KCTD1: variants seen among roughly 807,000 people sequenced by gnomAD.
The protein encoded by KCTD1 is BTB/POZ domain-containing protein KCTD1.
KCTD1 carries 24 observed loss-of-function variants against 66.0 expected under a neutral mutation model. The observed-to-expected ratio is 0.36, with a 90% CI of 0.26 to 0.51. The LOEUF (loss-of-function observed/expected upper bound fraction) is 0.51, where lower values mean the gene tolerates loss of function less well. Ranked by LOEUF, KCTD1 falls within the 20% of genes least tolerant of loss-of-function variation. KCTD1 has a pLI of 0.95. For missense variants in KCTD1, 943 were observed against 1,205.2 expected (o/e 0.78, Z 3.22); for synonymous variants, 511 against 517.2 (o/e 0.99, Z 0.16).
intron 1 of KCTD1, among the ~76,000 whole-genome samples, chr18:26,596,371 G>A (rs1986766413): frequency 6.6e-6 from 1 of 152,334 alleles, no homozygotes. Flanking sequence ...GCCCTCACCA[G>A]AAAGTGAATC....
At chr18:26,640,037 G>A (rs1350498791) in intron 1 of KCTD1, among the ~76,000 whole-genome samples, 1 of 152,196 alleles carries the variant, frequency 6.6e-6, no homozygotes, top group South Asian at 2.1e-4. Context: ...GGTTTACAGG[G>A]AGGAGGTAGG....
At chr18:26,650,492 T>A (rs1318668620) in intron 1 of KCTD1, among the ~76,000 whole-genome samples, 1 of 152,236 alleles carries the variant, frequency 6.6e-6, no homozygotes, top group Non-Finnish European at 1.5e-5. Context: ...CTCATTTTAT[T>A]CTCTGAACAA....
At chr18:26,461,569 C>A (rs1344488761) in intron 3 of KCTD1, among the ~76,000 whole-genome samples, 2 of 152,138 alleles carry the variant, frequency 1.3e-5, no homozygotes. Context: ...CTTAGCCCAG[C>A]CTGAGGGGTA....
intron 1 of KCTD1, among the ~76,000 whole-genome samples, chr18:26,594,938 G>C (rs1568004344): frequency 6.6e-6 from 1 of 151,942 alleles, no homozygotes; most frequent in South Asian, 2.1e-4. Context: ...TCATAATTAT[G>C]TGAGCCAATC....
At chr18:26,564,865 G>A (rs1985945463) in intron 1 of KCTD1, among the ~76,000 whole-genome samples, 1 of 151,178 alleles carries the variant, frequency 6.6e-6, no homozygotes, top group South Asian at 2.1e-4. Context: ...CTCCAGCCTG[G>A]GCAACAAGAA....
At chr18:26,641,128 G>C (rs574447182), upstream of KCTD1, among the ~76,000 whole-genome samples, 1 of 152,214 alleles carries the variant, frequency 6.6e-6, no homozygotes, top group East Asian at 1.9e-4. Flanking sequence ...TGTATGTAAG[G>C]CCTGTTTATA....
At chr18:26,464,424 A>G (rs1980612463) in intron 3 of KCTD1, among the ~76,000 whole-genome samples, 1 of 152,188 alleles carries the variant, frequency 6.6e-6, no homozygotes, top group African/African-American at 2.4e-5. Context: ...TAATCCTCCC[A>G]TCTCAAGACC....
intron 1 of KCTD1, among the ~76,000 whole-genome samples, chr18:26,651,712 A>G (rs1988036858): frequency 7.2e-6 from 1 of 138,340 alleles, no homozygotes; most frequent in African/African-American, 2.7e-5. Context: ...TGAGCCTAGG[A>G]GGGGGAGGTT....
At chr18:26,569,640 C>G (rs1222741642) in intron 1 of KCTD1, among the ~76,000 whole-genome samples, 1 of 152,054 alleles carries the variant, frequency 6.6e-6, no homozygotes, top group Non-Finnish European at 1.5e-5. Flanking sequence ...TAAACTGTTA[C>G]ATTAATTGTT....
In KCTD1 at chr18:26,617,227, C is replaced by A. The variant is rs544747978; in HGVS notation, c.-16+11920G>T. Among the ~76,000 whole-genome samples, 6 of 152,276 alleles carry A rather than the reference C, an allele frequency of 3.9e-5. No individual in the cohort carries two copies. The South Asian group carries it at 1.2e-3, about 32-fold the overall frequency. ...TCCAGGTCATTTCTCCAGGCTAAGTCCATTCAAAAACACTGCTCAAAAAAC... is the reference window on the plus strand; with the variant it reads ...TCCAGGTCATTTCTCCAGGCTAAGTACATTCAAAAACACTGCTCAAAAAAC... On this transcript the variant is annotated intron_variant, in intron 1 of 4. Coordinates refer to the KCTD1 transcript ENST00000317932.
At chr18:26,478,202 T>C (rs1981447007) in intron 2 of KCTD1, among the ~76,000 whole-genome samples, 1 of 152,248 alleles carries the variant, frequency 6.6e-6, no homozygotes, top group African/African-American at 2.4e-5. Context: ...GGAGCTATAT[T>C]AAGTGCTTTC....
intron 1 of KCTD1, among the ~76,000 whole-genome samples, chr18:26,651,799 A>AGAAGAAGAAG (rs1160240200): frequency 3.8e-4 from 44 of 117,142 alleles, no homozygotes; most frequent in African/African-American, 1.4e-3. Context: ...AAAAAAAAAA[A>AGAAGAAGAAG]AAGAAGAAGA....
chr18:26,573,029 T>C (rs555503883), intron 1 of KCTD1, among the ~76,000 whole-genome samples: 48 of 143,498 alleles, frequency 3.3e-4, no homozygotes, highest in African/African-American at 7.0e-4. Context: ...CACCCCCCCC[T>C]TTTTTTTTTT....
At chr18:26,463,492 C>T (rs755577850) in intron 3 of KCTD1, among the ~76,000 whole-genome samples, 5 of 151,938 alleles carry the variant, frequency 3.3e-5, no homozygotes, top group African/African-American at 4.8e-5. Context: ...AAATCAGTTA[C>T]TCACAGACCT....
chr18:26,549,868 C>G (rs768508784), upstream of KCTD1: 2 of 924,116 alleles, frequency 2.2e-6, no homozygotes, highest in Admixed American at 6.2e-5. Flanking sequence ...TGCCCCACTT[C>G]CAGCCAAACG....
In KCTD1 at chr18:26,455,610, G is replaced by A; in HGVS notation, c.*133C>T. 1 of 1,019,368 alleles carries A rather than the reference G, an allele frequency of 9.8e-7. No individual in the cohort carries two copies. The highest frequency in any genetic ancestry group is 1.5e-6 in the Non-Finnish European group (1 of 677,352). 63.1% of individuals were successfully genotyped at this position (1,019,368 alleles called of 1,614,324 possible). On this transcript the variant is annotated 3_prime_UTR_variant, in exon 5 of 5. Transcript: ENST00000580059. ...TATGAATACAGGTGTGGTCTCTATT[G>A]GATATAAATGTGTCTTTTATTCGAT...
At chr18:26,557,469 G>A (rs1985734357) in intron 1 of KCTD1, among the ~76,000 whole-genome samples, 1 of 152,130 alleles carries the variant, frequency 6.6e-6, no homozygotes, top group South Asian at 2.1e-4. Context: ...TAGAGCCTGA[G>A]ATATAATAAC....
At chr18:26,545,901 C>G (rs1111208) in intron 1 of KCTD1, 64,506 of 151,322 alleles carry the variant, frequency 0.43, 13,897 homozygotes, top group East Asian at 0.65. Flanking sequence ...GATAGTGAAG[C>G]CAAGGAGAAG....
chr18:26,628,657 TA>T (rs1252018654), intron 1 of KCTD1, among the ~76,000 whole-genome samples: 1 of 152,094 alleles, frequency 6.6e-6, no homozygotes, highest in Non-Finnish European at 1.5e-5. Context: ...AAAAATAGCC[TA>T]AATTAAACCT....
Sources: allele counts gnomAD v4.1 joint callset (sites outside exome capture counted in the v4.1 genomes callset), GRCh38; gene constraint gnomAD v4.1.1; transcripts MANE v1.5; gene names NCBI Gene and HGNC (gene_info 2026-07-23, HGNC 2026-07-21).